Variants in KBTBD8 observed in about 807,000 individuals in gnomAD.
KBTBD8 encodes the protein kelch repeat and BTB domain containing 8, also known as kelch repeat and BTB domain-containing protein 8.
A neutral mutation model predicts 53.5 loss-of-function variants in KBTBD8; 31 were observed. The ratio of observed to expected loss-of-function variants is 0.58; its 90% CI spans 0.44 to 0.78. The LOEUF is 0.78. Among genes scored for constraint, KBTBD8 ranks in the 30% least tolerant of loss-of-function variants. The pLI, the probability that KBTBD8 is intolerant of heterozygous loss-of-function variation, is 0.00. For missense variants in KBTBD8, 642 were observed against 735.8 expected, an observed-to-expected ratio of 0.87 and a Z score of 1.48; for synonymous variants, 250 against 247.3, an observed-to-expected ratio of 1.01 and a Z score of -0.10.
In KBTBD8 at chr3:66,999,117, T is replaced by G; in HGVS notation, c.153T>G (p.Ile51Met). 1 of 1,614,142 alleles carries G rather than the reference T, an allele frequency of 6.2e-7. No homozygotes were observed. Among genetic ancestry groups the G allele is most frequent in the East Asian group, 2.2e-5 (1 of 44,886 alleles). ...TMYDEGQLTD[I>M]VVEVDHGKTF... The stretch of plus-strand genomic sequence containing the variant: ...ACGATGAAGGACAGTTGACAGACAT[T>G]GTAGTGGAAGTGGATCACGGGAAAA... Residue 51 changes from isoleucine (I) to methionine (M), a missense_variant, in exon 2 of 4, where the codon ATT (isoleucine) becomes ATG (methionine). Ile to Met is a conservative substitution (Grantham distance 10, BLOSUM62 1). Transcript: ENST00000417314.
At chr3:67,004,891 T>C (rs145002946) in intron 3 of KBTBD8, among the ~76,000 whole-genome samples, 426 of 152,358 alleles carry the variant, frequency 2.8e-3, no homozygotes, top group African/African-American at 9.6e-3. Context: ...GCTGTTTATG[T>C]TGCCTTTCAT....
At chr3:66,998,924 C>A (rs1701989627) in intron 1 of KBTBD8, 57 bp from the exon 2 acceptor site, 1 of 1,358,686 alleles carries the variant, frequency 7.4e-7, no homozygotes, top group Non-Finnish European at 1.0e-6. Context: ...AGAAAAATCC[C>A]GCGATGCCGT....
In KBTBD8 at chr3:66,998,359, G is replaced by A. The variant is rs1437694651; in HGVS notation, c.4G>A (p.Ala2Thr). Residue 2 changes from alanine (A) to threonine (T), a missense_variant, in exon 1 of 4, where the codon GCC becomes ACC. Transcript: ENST00000417314. ...GGAGTCGGGGCCCCATCGAGAAATG[G>A]CCGCGTCGGCAGGTGGGTCGTGTGG... MAASADLSKSSP... is the reference protein window; with the variant it reads MTASADLSKSSP... 1 of 1,293,740 alleles carries A rather than the reference G, an allele frequency of 7.7e-7. No individual in the cohort carries two copies. Among genetic ancestry groups the A allele is most frequent in the Non-Finnish European group, 9.9e-7 (1 of 1,011,998 alleles). The allele number at this position is 1,293,740 out of a possible 1,614,324, so 80.1% of individuals were successfully genotyped here.
At chr3:66,998,591 C>T (rs984026658) in intron 1 of KBTBD8, among the ~76,000 whole-genome samples, 2 of 152,096 alleles carry the variant, frequency 1.3e-5, no homozygotes, top group Non-Finnish European at 1.5e-5. Context: ...GCGCTGCGCC[C>T]CAGGAGGCAG....
At chr3:66,998,608 G>A (rs902448977) in intron 1 of KBTBD8, among the ~76,000 whole-genome samples, 1 of 152,138 alleles carries the variant, frequency 6.6e-6, no homozygotes, top group Non-Finnish European at 1.5e-5. Context: ...GCAGCGGGAG[G>A]CGGCTTGAGG....
chr3:67,007,013 A>G (rs1385002408), intron 3 of KBTBD8, among the ~76,000 whole-genome samples: 1 of 152,202 alleles, frequency 6.6e-6, no homozygotes, highest in African/African-American at 2.4e-5. Context: ...AGTCAACATC[A>G]CAAACCATGT....
Position 67,003,755 on chromosome 3 carries a change from A to G in KBTBD8, c.788A>G (p.Lys263Arg). The change falls in exon 3 of 4, where the codon AAA (lysine) becomes AGA (arginine). Residue 263 changes from lysine (K) to arginine (R), a missense_variant. By Grantham distance (26) the Lys-to-Arg change is conservative (BLOSUM62 2). Transcript: ENST00000417314. ...CCTCAGTTTGCACAGGCTATAGCCA[A>G]AAGCTGTGTAGAAAAGGGACCATCC... is the stretch of plus-strand genomic sequence containing the variant. ...IPPQFAQAIA[K>R]SCVEKGPSNT... 1 of 1,614,174 alleles carries G rather than the reference A, an allele frequency of 6.2e-7. No individual in the cohort carries two copies. Among genetic ancestry groups the G allele is most frequent in the Non-Finnish European group, 8.5e-7 (1 of 1,180,004 alleles).
intron 3 of KBTBD8, among the ~76,000 whole-genome samples, chr3:67,006,785 A>C (rs750968144): frequency 2.0e-5 from 3 of 152,258 alleles, no homozygotes; most frequent in Non-Finnish European, 2.9e-5. Flanking sequence ...CCTGACATGC[A>C]TAGTCAGAAG....
intron 2 of KBTBD8, among the ~76,000 whole-genome samples, chr3:67,002,282 A>T (rs1324011347): frequency 6.6e-6 from 1 of 152,166 alleles, no homozygotes; most frequent in East Asian, 1.9e-4. Context: ...AAGTGAAGTG[A>T]TTATTATATT....
chr3:67,000,451 A>G (rs1702007095), intron 2 of KBTBD8, among the ~76,000 whole-genome samples: 1 of 152,232 alleles, frequency 6.6e-6, no homozygotes, highest in African/African-American at 2.4e-5. Context: ...CTCTAGGCTA[A>G]GCTTACTTTA....
rs754017506 is a variant in KBTBD8, at chr3:67,003,413, C to T, written c.446C>T (p.Pro149Leu). ...CAKYMISHLD[P>L]QNSIGVFIFA... is the part of the protein sequence containing the mutation. ...AAGTATATGATCAGTCATTTGGACC[C>T]ACAGAATTCTATTGGGGTCTTTATC... The change falls in exon 3 of 4, where the codon CCA (proline) becomes CTA (leucine). Residue 149 changes from proline (P) to leucine (L), a missense_variant. Coordinates refer to ENST00000417314, the MANE Select transcript of KBTBD8 (RefSeq NM_032505.3). The T allele has an allele frequency of 6.2e-7, 1 of 1,614,004 alleles. No individual in the cohort carries two copies. Among genetic ancestry groups the T allele is most frequent in the Non-Finnish European group, 8.5e-7 (1 of 1,179,934 alleles).
In KBTBD8 at chr3:67,004,133, GT is replaced by G; in HGVS notation, c.1167del (p.Cys389TrpfsTer20). ...ARIGCKLVYCCGKMYAIGGRV... is the reference protein window; with the variant it reads ...ARIGCKLVYCXGKMYAIGGRV... ...ATAGGCTGCAAACTTGTCTATTGCT[GT>G]GGTAAAATGTATGCAATCGGAGGTC... On this transcript the variant is annotated frameshift_variant, in exon 3 of 4. Transcript: ENST00000417314. LOFTEE classifies it high-confidence loss of function. The G allele has an allele frequency of 6.2e-7, 1 of 1,614,226 alleles. No individual in the cohort carries two copies. Among genetic ancestry groups the G allele is most frequent in the Non-Finnish European group, 8.5e-7 (1 of 1,180,036 alleles).
At position 67,009,458 on chromosome 3, in the gene KBTBD8, G is replaced by T. The variant is rs904273019; in HGVS notation, c.*1073G>T. Reference sequence around the variant, plus strand: ...GTTTTATACCTACTTTTAAAATTCTGCTTTCCAGAAACAAAATTCCTGCAG... The same window carrying T: ...GTTTTATACCTACTTTTAAAATTCTTCTTTCCAGAAACAAAATTCCTGCAG... On this transcript the variant is annotated 3_prime_UTR_variant, in exon 4 of 4. Coordinates refer to ENST00000417314, the MANE Select transcript of KBTBD8 (RefSeq NM_032505.3). 1 of 152,468 alleles carries T rather than the reference G, an allele frequency of 6.6e-6. No homozygotes were observed. The highest frequency in any genetic ancestry group is 1.9e-4 in the East Asian group (1 of 5,198). 9.4% of individuals were successfully genotyped at this position (152,468 alleles called of 1,614,324 possible). A position where few individuals can be genotyped will look rare whatever the true frequency, so the allele number is the denominator to read the frequency against.
At chr3:67,004,695 G>A (rs1487944524) in intron 3 of KBTBD8, among the ~76,000 whole-genome samples, 1 of 152,192 alleles carries the variant, frequency 6.6e-6, no homozygotes, top group Admixed American at 6.5e-5. Context: ...GAGTAAAATT[G>A]AGATGTTGTA....
rs1702008734 is a variant in KBTBD8, at chr3:67,000,630, TTAG to T, written c.227+1443_227+1445del. On this transcript the variant is annotated intron_variant, in intron 2 of 3. Coordinates refer to ENST00000417314, the MANE Select transcript of KBTBD8 (RefSeq NM_032505.3). ...ACATTTGATTACAGAGCCAGGCTTC[TTAG>T]TAGCCATATGACTCTTAAGGAACAA... Among the ~76,000 whole-genome samples the T allele has an allele frequency of 3.3e-5, 5 of 152,296 alleles. No individual in the cohort carries two copies. In the East Asian group the frequency reaches 9.6e-4, roughly 29 times the overall value.
intron 2 of KBTBD8, 109 bp from the exon 3 acceptor site, chr3:67,003,086 A>T (rs979065036): frequency 2.7e-6 from 3 of 1,123,582 alleles, no homozygotes; most frequent in African/African-American, 1.6e-5. Flanking sequence ...TTTAGGAAAT[A>T]TTCTGTTTCA....
intron 2 of KBTBD8, 67 bp from the exon 3 acceptor site, chr3:67,003,128 T>C: frequency 6.7e-7 from 1 of 1,483,510 alleles, no homozygotes; most frequent in Non-Finnish European, 9.2e-7. Context: ...TTTGTACTTT[T>C]AAAATCTTGC....
At position 66,999,194 on chromosome 3, in the gene KBTBD8, A is replaced by G. The variant is rs1701992712; in HGVS notation, c.227+3A>G. 1 of 1,612,746 alleles carries G rather than the reference A, an allele frequency of 6.2e-7. No homozygotes were observed. Among genetic ancestry groups the G allele is most frequent in the Non-Finnish European group, 8.5e-7 (1 of 1,178,716 alleles). On this transcript the variant is annotated splice_donor_region_variant and intron_variant, in intron 2 of 3. Coordinates refer to ENST00000417314, the MANE Select transcript of KBTBD8 (RefSeq NM_032505.3). ...GCTGCAATCAGCCCTTACTTCAGGT[A>G]TGATGATGGTAGGAACTTCTGTTGG...
chr3:66,998,786 C>A (rs1701987452), intron 1 of KBTBD8, 195 bp from the exon 2 acceptor site: 1 of 607,856 alleles, frequency 1.6e-6, no homozygotes, highest in Non-Finnish European at 2.9e-6. Context: ...TGAACTTGTT[C>A]CGCCGATCGC....
Sources: allele counts gnomAD v4.1 joint callset (sites outside exome capture counted in the v4.1 genomes callset), GRCh38; gene constraint gnomAD v4.1.1; transcripts MANE v1.5; gene names NCBI Gene and HGNC (gene_info 2026-07-23, HGNC 2026-07-21).